The following SFI1 variants were observed in gnomAD, a reference collection of about 807,000 sequenced individuals.
SFI1 encodes protein SFI1 homolog.
A neutral mutation model predicts 207.5 loss-of-function variants in SFI1; 195 were observed. The ratio of observed to expected loss-of-function variants is 0.94; its 90% CI spans 0.84 to 1.06. The LOEUF (loss-of-function observed/expected upper bound fraction) is 1.06, where lower values mean the gene tolerates loss of function less well. Among genes scored for constraint, SFI1 ranks in the 50% least tolerant of loss-of-function variants. The pLI, the probability that SFI1 is intolerant of heterozygous loss-of-function variation, is 0.00. For missense variants in SFI1, 1,634 were observed against 1,588.0 expected, an observed-to-expected ratio of 1.03 and a Z score of -0.49; for synonymous variants, 630 against 598.9, an observed-to-expected ratio of 1.05 and a Z score of -0.76.
intron 8 of SFI1, among the ~76,000 whole-genome samples, chr22:31,568,531 CAAAAAAAAAAAAA>C (rs60447566): frequency 6.9e-4 from 26 of 37,432 alleles, no homozygotes; most frequent in Non-Finnish European, 1.1e-3. Flanking sequence ...GACCCTGTCT[CAAAAAAAAAAAAA>C]AAAAAAAAAA....
At chr22:31,584,849 C>T (rs2064814052) in intron 13 of SFI1, among the ~76,000 whole-genome samples, 1 of 151,910 alleles carries the variant, frequency 6.6e-6, no homozygotes, top group Non-Finnish European at 1.5e-5. Context: ...TTAGGTTTTA[C>T]AAGAAAGTTG....
chr22:31,541,810 T>C (rs1008700093), intron 4 of SFI1, among the ~76,000 whole-genome samples: 3 of 146,398 alleles, frequency 2.0e-5, no homozygotes, highest in Non-Finnish European at 4.5e-5. Flanking sequence ...ATTATAGAAA[T>C]GTACAGTTTA....
At chr22:31,582,123 G>C (rs1418907863) in intron 12 of SFI1, among the ~76,000 whole-genome samples, 1 of 133,628 alleles carries the variant, frequency 7.5e-6, no homozygotes, top group African/African-American at 2.8e-5. Context: ...TTGATTTTTA[G>C]CAGAAATGGA....
chr22:31,530,173 A>G (rs5998030), intron 3 of SFI1, among the ~76,000 whole-genome samples: 1 of 93,090 alleles, frequency 1.1e-5, no homozygotes, highest in Non-Finnish European at 2.2e-5. Flanking sequence ...CTCCATCTCA[A>G]AAAAAAAAAA....
chr22:31,615,303 G>A, intron 29 of SFI1, 24 bp downstream of exon 29: 1 of 1,451,748 alleles, frequency 6.9e-7, no homozygotes, highest in Non-Finnish European at 9.0e-7. Flanking sequence ...CACCAGGCCT[G>A]GGCACTGGGG....
intron 14 of SFI1, 128 bp downstream of exon 14, chr22:31,585,262 A>C: frequency 1.5e-6 from 1 of 689,308 alleles, no homozygotes; most frequent in South Asian, 2.2e-5. Flanking sequence ...GAGGGTGTTG[A>C]AAAAGCTCAA....
chr22:31,614,124 C>T (rs2070910935), intron 27 of SFI1: 1 of 480,734 alleles, frequency 2.1e-6, no homozygotes, highest in South Asian at 4.0e-5. Flanking sequence ...CCTTCCTACC[C>T]TCTCTCCCGT....
intron 14 of SFI1, among the ~76,000 whole-genome samples, 189 bp from the exon 15 acceptor site, chr22:31,589,258 A>C (rs895370113): frequency 6.6e-6 from 1 of 151,848 alleles, no homozygotes. Flanking sequence ...CTAATGTTTA[A>C]GTGAAAATTT....
At chr22:31,552,636 A>G (rs2060726935) in intron 6 of SFI1, among the ~76,000 whole-genome samples, 1 of 152,164 alleles carries the variant, frequency 6.6e-6, no homozygotes, top group Admixed American at 6.6e-5. Context: ...CAGTGAACAT[A>G]TGAGAGCAGG....
intron 8 of SFI1, among the ~76,000 whole-genome samples, chr22:31,571,487 T>C (rs1376990699): frequency 1.3e-5 from 2 of 151,824 alleles, no homozygotes; most frequent in Non-Finnish European, 2.9e-5. Flanking sequence ...TAATTTTTTT[T>C]TTTTTTTGGT....
In SFI1 at chr22:31,611,315, G is replaced by A. The variant is rs762020920; in HGVS notation, c.2415+12G>A. 7 of 1,578,172 alleles carry A rather than the reference G, an allele frequency of 4.4e-6. No homozygotes were observed. Among genetic ancestry groups the A allele is most frequent in the Middle Eastern group, 1.9e-4 (1 of 5,176 alleles). On this transcript the variant is annotated intron_variant, in intron 23 of 32. Transcript: ENST00000400288. Reference sequence around the variant, plus strand: ...GTGTCAGGAAGAGGGTGAGGCTGACGGTGGCAACTCTCCAAGTTCTGCCTG... The same window carrying A: ...GTGTCAGGAAGAGGGTGAGGCTGACAGTGGCAACTCTCCAAGTTCTGCCTG...
intron 4 of SFI1, among the ~76,000 whole-genome samples, chr22:31,546,316 C>T (rs912056406): frequency 6.6e-6 from 1 of 151,838 alleles, no homozygotes; most frequent in African/African-American, 2.4e-5. Flanking sequence ...TATTTTTAAT[C>T]TATCTTGGTG....
intron 21 of SFI1, 191 bp from the exon 22 acceptor site, chr22:31,607,746 C>T: frequency 4.3e-6 from 2 of 469,446 alleles, no homozygotes; most frequent in East Asian, 3.3e-5. Context: ...GCTGGGCTTC[C>T]TGTGAGGGGC....
chr22:31,587,393 C>A, intron 14 of SFI1: 1 of 300,814 alleles, frequency 3.3e-6, no homozygotes, highest in South Asian at 2.9e-5. Context: ...CCTCACTCTC[C>A]CCAGGCTCAA....
At chr22:31,535,572 T>C (rs1336534738) in intron 4 of SFI1, among the ~76,000 whole-genome samples, 12 of 151,482 alleles carry the variant, frequency 7.9e-5, no homozygotes, top group African/African-American at 2.9e-4. Flanking sequence ...GGCGCGATCT[T>C]GGCTCACTGC....
intron 8 of SFI1, among the ~76,000 whole-genome samples, chr22:31,563,773 C>T (rs1031245133): frequency 1.3e-5 from 2 of 151,528 alleles, no homozygotes; most frequent in South Asian, 2.1e-4. Flanking sequence ...TTGATAGAGA[C>T]GGGGTTTTGC....
At chr22:31,616,491 G>GT (rs893781857) in intron 29 of SFI1, 2 of 423,592 alleles carry the variant, frequency 4.7e-6, no homozygotes, top group Non-Finnish European at 8.3e-6. Context: ...CAGTGGAGGC[G>GT]TGAGGCGGAC....
At chr22:31,528,962 G>A in intron 3 of SFI1, 99 bp downstream of exon 3, 1 of 1,217,244 alleles carries the variant, frequency 8.2e-7, no homozygotes, top group Non-Finnish European at 1.2e-6. Flanking sequence ...ACCGCAATTA[G>A]TGGGAGATCT....
chr22:31,570,234 A>T (rs2062812759), intron 8 of SFI1, among the ~76,000 whole-genome samples: 1 of 152,248 alleles, frequency 6.6e-6, no homozygotes, highest in Admixed American at 6.5e-5. Context: ...CACAAAGATG[A>T]TAAGAAGACG....
Sources: allele counts gnomAD v4.1 joint callset (sites outside exome capture counted in the v4.1 genomes callset), GRCh38; gene constraint gnomAD v4.1.1; transcripts MANE v1.5; gene names NCBI Gene and HGNC (gene_info 2026-07-23, HGNC 2026-07-21).